LRRC42: variants seen among roughly 807,000 people sequenced by gnomAD.
LRRC42 encodes the protein leucine-rich repeat-containing protein 42.
A neutral mutation model predicts 44.3 loss-of-function variants in LRRC42; 43 were observed. The ratio of observed to expected loss-of-function variants is 0.97; its 90% CI spans 0.76 to 1.25. LRRC42 has a LOEUF of 1.25. Ranked by LOEUF, LRRC42 falls within the 50% of genes most tolerant of loss-of-function variation. The pLI, the probability that LRRC42 is intolerant of heterozygous loss-of-function variation, is 0.00. For synonymous variants in LRRC42, 207 were observed against 195.2 expected (o/e 1.06, Z -0.50); for missense variants, 540 against 509.1 (o/e 1.06, Z -0.58).
At chr1:53,952,654 CACTTA>C (rs1262979413) in intron 3 of LRRC42, among the ~76,000 whole-genome samples, 182 bp downstream of exon 3, 1 of 152,176 alleles carries the variant, frequency 6.6e-6, no homozygotes, top group African/African-American at 2.4e-5. Flanking sequence ...TCTTAGATGA[CACTTA>C]ACTTTATTCT....
intron 3 of LRRC42, among the ~76,000 whole-genome samples, chr1:53,952,948 C>CT: frequency 6.6e-6 from 1 of 152,326 alleles, no homozygotes; most frequent in South Asian, 2.1e-4. Context: ...AGTCCCAACA[C>CT]TAAGGTCTGT....
intron 5 of LRRC42, among the ~76,000 whole-genome samples, chr1:53,961,251 G>C (rs768903989): frequency 6.6e-6 from 1 of 151,962 alleles, no homozygotes; most frequent in Non-Finnish European, 1.5e-5. Flanking sequence ...CTACTAAAAA[G>C]ATACAAAAAA....
At chr1:53,966,190 C>G in intron 7 of LRRC42, 106 bp from the exon 8 acceptor site, 1 of 798,370 alleles carries the variant, frequency 1.3e-6, no homozygotes, top group East Asian at 2.6e-5. Context: ...TTAAATTTAC[C>G]AGAGGGGTTT....
intron 3 of LRRC42, among the ~76,000 whole-genome samples, chr1:53,957,314 C>G (rs935833234): frequency 6.6e-6 from 1 of 152,204 alleles, no homozygotes; most frequent in African/African-American, 2.4e-5. Context: ...TTTCCCTGTC[C>G]TCTTAGGTTC....
At chr1:53,948,952 G>A (rs984861677) in intron 2 of LRRC42, among the ~76,000 whole-genome samples, 9 of 152,146 alleles carry the variant, frequency 5.9e-5, no homozygotes, top group African/African-American at 2.2e-4. Context: ...ATTAAAGGAC[G>A]CCAGGATTCC....
chr1:53,961,953 C>G, intron 5 of LRRC42, 81 bp from the exon 6 acceptor site: 1 of 1,012,816 alleles, frequency 9.9e-7, no homozygotes, highest in South Asian at 1.4e-5. Context: ...ATTGCCCGGA[C>G]GTTTTTCTGA....
chr1:53,965,412 A>G (rs981368596), intron 7 of LRRC42, among the ~76,000 whole-genome samples: 1 of 151,716 alleles, frequency 6.6e-6, no homozygotes, highest in African/African-American at 2.4e-5. Flanking sequence ...CTTGTTATTC[A>G]TGGTATATTG....
At position 53,952,312 on chromosome 1, in the gene LRRC42, G is replaced by A. The variant is rs1314730729; in HGVS notation, c.313G>A (p.Asp105Asn). ...CATCTCCGACAATGTGGATCACATTGATTCCCTTATTGGCTTTCCTGAGCA... is the reference window on the plus strand; with the variant it reads ...CATCTCCGACAATGTGGATCACATTAATTCCCTTATTGGCTTTCCTGAGCA... ...GFISDNVDHI[D>N]SLIGFPEQIA... is the part of the protein sequence containing the mutation. Residue 105 changes from aspartate (D) to asparagine (N), a missense_variant, in exon 3 of 9, where the codon GAT (aspartate) becomes AAT (asparagine). Transcript: ENST00000371370. 1 of 1,614,184 alleles carries A rather than the reference G, an allele frequency of 6.2e-7. No homozygotes were observed.
At chr1:53,953,972 A>G (rs1181450855) in intron 3 of LRRC42, among the ~76,000 whole-genome samples, 1 of 151,982 alleles carries the variant, frequency 6.6e-6, no homozygotes, top group Non-Finnish European at 1.5e-5. Context: ...ACCTCAGGTG[A>G]TCCACCGGCC....
intron 5 of LRRC42, among the ~76,000 whole-genome samples, chr1:53,961,104 A>G (rs1189159425): frequency 6.6e-6 from 1 of 152,160 alleles, no homozygotes; most frequent in Non-Finnish European, 1.5e-5. Context: ...GCCTTTGTAA[A>G]ATGAGGATAA....
In LRRC42 at chr1:53,967,858, A is replaced by G; in HGVS notation, c.1206A>G (p.Glu402=). Residue 402 remains glutamate (E), a synonymous_variant, in exon 9 of 9, where the codon GAA becomes GAG. Coordinates refer to ENST00000371370, the MANE Select transcript of LRRC42 (RefSeq NM_001256409.2). ...GACCTTTTGAGGAGTCAGAGACAGAACAGAATAACTCTTCACAACCTTCAA... is the reference window on the plus strand; with the variant it reads ...GACCTTTTGAGGAGTCAGAGACAGAGCAGAATAACTCTTCACAACCTTCAA... ...KKRPFEESET[E]QNNSSQPSKQ... is the part of the protein sequence containing the mutation. The G allele has an allele frequency of 1.2e-6, 2 of 1,614,244 alleles. No individual in the cohort carries two copies. Among genetic ancestry groups the G allele is most frequent in the Non-Finnish European group, 1.7e-6 (2 of 1,180,048 alleles).
Position 53,958,284 on chromosome 1 carries a change from C to G in LRRC42, c.605+4C>G. On this transcript the variant is annotated splice_donor_region_variant and intron_variant, in intron 4 of 8. Coordinates refer to ENST00000371370, the MANE Select transcript of LRRC42 (RefSeq NM_001256409.2). The stretch of plus-strand genomic sequence containing the variant: ...TCACCAATGAAGCCCTGTCTAGGTA[C>G]TGACCTGTCACCACTTGCAGATGAA... The G allele has an allele frequency of 6.2e-7, 1 of 1,612,908 alleles. No homozygotes were observed. Among genetic ancestry groups the G allele is most frequent in the Non-Finnish European group, 8.5e-7 (1 of 1,179,146 alleles).
In LRRC42 at chr1:53,962,380, A is replaced by G. The variant is rs1226349388; in HGVS notation, c.898A>G (p.Asn300Asp). The G allele has an allele frequency of 6.2e-7, 1 of 1,613,848 alleles. No individual in the cohort carries two copies. The highest frequency in any genetic ancestry group is 8.5e-7 in the Non-Finnish European group (1 of 1,179,684). Residue 300 changes from asparagine to aspartate, a missense_variant, in exon 7 of 9, where the codon AAC becomes GAC. Transcript: ENST00000371370. ...GCCTTTGAAGGAATTTGATCATAGTAACTGCAAGACAGAGGGCTGGGCTGA... is the reference window on the plus strand; with the variant it reads ...GCCTTTGAAGGAATTTGATCATAGTGACTGCAAGACAGAGGGCTGGGCTGA... The part of the protein sequence containing the change: ...KVPLKEFDHS[N>D]CKTEGWADQI...
At chr1:53,961,147 C>T (rs1416428238) in intron 5 of LRRC42, among the ~76,000 whole-genome samples, 1 of 152,172 alleles carries the variant, frequency 6.6e-6, no homozygotes, top group Non-Finnish European at 1.5e-5. Flanking sequence ...CGGTGGCTCA[C>T]GCCTGTAATC....
rs1655020468 is a variant in LRRC42, at chr1:53,962,361, G to C, written c.879G>C (p.Leu293Phe). ...GCCTTGTTCACTCCAAAGTGCCTTT[G>C]AAGGAATTTGATCATAGTAACTGCA... is the stretch of plus-strand genomic sequence containing the variant. ...HIGLVHSKVP[L>F]KEFDHSNCKT... is the part of the protein sequence containing the mutation. The change falls in exon 7 of 9, where the codon TTG becomes TTC. Residue 293 changes from leucine (L) to phenylalanine (F), a missense_variant. Transcript: ENST00000371370. 6.2e-7 allele frequency: 1 copy of C among 1,614,200 alleles called. No individual in the cohort carries two copies. Among genetic ancestry groups the C allele is most frequent in the Non-Finnish European group, 8.5e-7 (1 of 1,180,020 alleles).
chr1:53,950,894 T>C (rs1470623211), intron 2 of LRRC42, among the ~76,000 whole-genome samples: 1 of 152,208 alleles, frequency 6.6e-6, no homozygotes, highest in Non-Finnish European at 1.5e-5. Flanking sequence ...TTTATGTAGC[T>C]CTTGTAATGG....
chr1:53,960,844 G>T (rs189065826), intron 5 of LRRC42, among the ~76,000 whole-genome samples: 42 of 152,258 alleles, frequency 2.8e-4, no homozygotes, highest in African/African-American at 9.4e-4. Flanking sequence ...ATCAGTGTTT[G>T]CCTGATGAAA....
At chr1:53,951,547 C>T (rs1291182722) in intron 2 of LRRC42, among the ~76,000 whole-genome samples, 1 of 152,196 alleles carries the variant, frequency 6.6e-6, no homozygotes, top group Non-Finnish European at 1.5e-5. Flanking sequence ...GCCTCAGCCT[C>T]CTGAGTAGCT....
intron 7 of LRRC42, among the ~76,000 whole-genome samples, chr1:53,964,186 T>G (rs1482556540): frequency 6.6e-6 from 1 of 152,086 alleles, no homozygotes; most frequent in Non-Finnish European, 1.5e-5. Context: ...CTTCCTTGGC[T>G]TTCCTGCAGC....
Sources: allele counts gnomAD v4.1 joint callset (sites outside exome capture counted in the v4.1 genomes callset), GRCh38; gene constraint gnomAD v4.1.1; transcripts MANE v1.5; gene names NCBI Gene and HGNC (gene_info 2026-07-23, HGNC 2026-07-21).